ADAMTS6: variants seen among roughly 807,000 people sequenced by gnomAD.
ADAMTS6 encodes A disintegrin and metalloproteinase with thrombospondin motifs 6.
ADAMTS6 carries 23 observed loss-of-function variants against 144.3 expected under a neutral mutation model. That is an observed-to-expected ratio of 0.16 (90% CI 0.11 to 0.23). ADAMTS6 has a LOEUF of 0.23. Among genes scored for constraint, ADAMTS6 ranks in the 10% least tolerant of loss-of-function variants. ADAMTS6 has a pLI of 1.00. For missense variants in ADAMTS6, 999 were observed against 1,379.6 expected (o/e 0.72, Z 4.37); for synonymous variants, 444 against 457.5 (o/e 0.97, Z 0.38).
At chr5:65,468,335 T>C (rs1488621224) in intron 3 of ADAMTS6, among the ~76,000 whole-genome samples, 2 of 151,912 alleles carry the variant, frequency 1.3e-5, no homozygotes, top group African/African-American at 2.4e-5. Context: ...TGTTTACATA[T>C]TCCATTTGAT....
intron 9 of ADAMTS6, among the ~76,000 whole-genome samples, chr5:65,320,136 C>T (rs1244308193): frequency 6.6e-6 from 1 of 152,192 alleles, no homozygotes; most frequent in Admixed American, 6.5e-5. Flanking sequence ...AGCCATCGCG[C>T]CTGGCCACCA....
chr5:65,340,058 T>C (rs1204935538), intron 7 of ADAMTS6, among the ~76,000 whole-genome samples: 1 of 152,010 alleles, frequency 6.6e-6, no homozygotes, highest in Non-Finnish European at 1.5e-5. Context: ...TCCAAACAAG[T>C]CCTCTCCAAG....
chr5:65,265,347 C>T (rs1580232326), intron 12 of ADAMTS6, among the ~76,000 whole-genome samples: 1 of 151,970 alleles, frequency 6.6e-6, no homozygotes, highest in East Asian at 1.9e-4. Context: ...AGAAAATGTT[C>T]CACTTGAAAA....
intron 7 of ADAMTS6, among the ~76,000 whole-genome samples, chr5:65,411,782 T>C (rs1755075717): frequency 1.3e-5 from 2 of 152,304 alleles, no homozygotes; most frequent in Non-Finnish European, 2.9e-5. Flanking sequence ...CATTTAAATA[T>C]AGGTCTTTGA....
At chr5:65,172,185 C>A (rs1035542989) in intron 23 of ADAMTS6, among the ~76,000 whole-genome samples, 3 of 151,214 alleles carry the variant, frequency 2.0e-5, no homozygotes, top group African/African-American at 4.9e-5. Flanking sequence ...GAGGCCGAGG[C>A]GGGCGGATCA....
intron 7 of ADAMTS6, among the ~76,000 whole-genome samples, chr5:65,444,866 T>C (rs944464024): frequency 1.3e-5 from 2 of 152,204 alleles, no homozygotes; most frequent in African/African-American, 4.8e-5. Context: ...CTAATTACTG[T>C]GTGACCTTGC....
At chr5:65,255,443 T>C (rs565870029) in intron 14 of ADAMTS6, among the ~76,000 whole-genome samples, 5 of 152,232 alleles carry the variant, frequency 3.3e-5, no homozygotes. Context: ...GTCCATTGCA[T>C]CATTCTTATG....
chr5:65,242,867 G>A (rs2112498995), intron 14 of ADAMTS6, among the ~76,000 whole-genome samples: 1 of 152,212 alleles, frequency 6.6e-6, no homozygotes, highest in South Asian at 2.1e-4. Flanking sequence ...GAGGTGTGGA[G>A]AGGGATGTTA....
Position 65,273,466 on chromosome 5 carries a change from G to A in ADAMTS6, c.1513-19C>T. The A allele has an allele frequency of 6.3e-7, 1 of 1,593,424 alleles. No homozygotes were observed. Among genetic ancestry groups the A allele is most frequent in the Non-Finnish European group, 8.6e-7 (1 of 1,161,868 alleles). ...ACACTTCCTAGGAAAGAAGGCAAAA[G>A]CAAGTTGATCAGAAATAGAGTCATG... is the stretch of plus-strand genomic sequence containing the variant. On this transcript the variant is annotated intron_variant, in intron 11 of 24. Coordinates refer to ENST00000381055, the MANE Select transcript of ADAMTS6 (RefSeq NM_197941.4).
chr5:65,320,686 G>A (rs1005154110), intron 9 of ADAMTS6, among the ~76,000 whole-genome samples: 11 of 151,754 alleles, frequency 7.2e-5, no homozygotes, highest in East Asian at 1.9e-4. Flanking sequence ...CCTAGTACCC[G>A]TTAGTTGTCT....
At chr5:65,256,980 TCTC>T (rs1238245044) in intron 14 of ADAMTS6, among the ~76,000 whole-genome samples, 16 of 130,046 alleles carry the variant, frequency 1.2e-4, no homozygotes, top group African/African-American at 5.3e-4. Flanking sequence ...TCTCTCTCTC[TCTC>T]TCTTTTTTTT....
In ADAMTS6 at chr5:65,291,399, C is replaced by G; in HGVS notation, c.1442G>C (p.Gly481Ala). Residue 481 changes from glycine (G) to alanine (A), a missense_variant, in exon 11 of 25, where the codon GGT (glycine) becomes GCT (alanine). This residue lies in a region of ADAMTS6 where 619 missense variants were observed against 837.0 expected (regional missense o/e 0.74). Transcript: ENST00000381055. ...RDFLYPAVAPGQVYDADEQCR... is the reference protein window; with the variant it reads ...RDFLYPAVAPAQVYDADEQCR... The stretch of plus-strand genomic sequence containing the variant: ...TTGCTCATCAGCATCATACACCTGA[C>G]CTGGGGCCACAGCTGGATAAAGAAA... 6.2e-7 allele frequency: 1 copy of G among 1,613,994 alleles called. No individual in the cohort carries two copies. Among genetic ancestry groups the G allele is most frequent in the Non-Finnish European group, 8.5e-7 (1 of 1,179,938 alleles).
rs892231228 is a variant in ADAMTS6, at chr5:65,172,926, G to A, written c.2993C>T (p.Ala998Val). 1.3e-5 allele frequency: 21 copies of A among 1,614,214 alleles called. No individual in the cohort carries two copies. The highest frequency in any genetic ancestry group is 1.8e-5 in the Non-Finnish European group (21 of 1,180,048). The change falls in exon 23 of 25, where the codon GCA (alanine) becomes GTA (valine). Residue 998 changes from alanine (A) to valine (V), a missense_variant. Transcript: ENST00000381055. ...AGGTTTGCTTTCCTCTGGACATTGTGCAGCTGGGAATGTCTTAGAAAGGTC... is the reference window on the plus strand; with the variant it reads ...AGGTTTGCTTTCCTCTGGACATTGTACAGCTGGGAATGTCTTAGAAAGGTC... The part of the protein sequence containing the change: ...SSDLSKTFPA[A>V]QCPEESKPPV...
At chr5:65,442,270 T>C (rs930101027) in intron 7 of ADAMTS6, among the ~76,000 whole-genome samples, 26 of 152,102 alleles carry the variant, frequency 1.7e-4, no homozygotes, top group Non-Finnish European at 4.4e-5. Flanking sequence ...TAAGATATTA[T>C]AAACAATTAT....
rs897566541 is a variant in ADAMTS6 at position 65,170,879 on chromosome 5, T to C, written c.3088-106A>G. 3.9e-6 allele frequency: 5 copies of C among 1,282,184 alleles called. No individual in the cohort carries two copies. In the African/African-American group the frequency reaches 7.5e-5, roughly 19 times the overall value. 79.4% of individuals were successfully genotyped at this position (1,282,184 alleles called of 1,614,324 possible). A position where few individuals can be genotyped will look rare whatever the true frequency, so the allele number is the denominator to read the frequency against. On this transcript the variant is annotated intron_variant, in intron 23 of 24. Transcript: ENST00000381055. ...TACAACACAATATGAACTTTTTTTT[T>C]TTTCTTTTGAGACACAGCGTCTTGC...
chr5:65,388,390 A>G (rs1752647129), intron 7 of ADAMTS6, among the ~76,000 whole-genome samples: 1 of 152,080 alleles, frequency 6.6e-6, no homozygotes, highest in Non-Finnish European at 1.5e-5. Flanking sequence ...GGTACAGGGG[A>G]TGAAGTTATA....
At chr5:65,461,796 A>G (rs1411187748) in intron 3 of ADAMTS6, among the ~76,000 whole-genome samples, 2 of 152,188 alleles carry the variant, frequency 1.3e-5, no homozygotes, top group African/African-American at 4.8e-5. Flanking sequence ...TTTCCACATA[A>G]CATTTCATTT....
chr5:65,451,685 T>C (rs184819960), intron 6 of ADAMTS6, 65 bp from the exon 7 acceptor site: 52 of 1,573,452 alleles, frequency 3.3e-5, no homozygotes, highest in Non-Finnish European at 4.5e-5. Context: ...GTTAAAACTT[T>C]TGAAGACTGA....
intron 20 of ADAMTS6, among the ~76,000 whole-genome samples, chr5:65,205,606 A>G (rs986171995): frequency 9.2e-5 from 14 of 152,342 alleles, no homozygotes; most frequent in African/African-American, 3.1e-4. Flanking sequence ...TATAACATGA[A>G]CAAACAACAT....
Sources: allele counts gnomAD v4.1 joint callset (sites outside exome capture counted in the v4.1 genomes callset), GRCh38; gene constraint gnomAD v4.1.1; regional missense constraint gnomAD v4.1.1; transcripts MANE v1.5; gene names NCBI Gene and HGNC (gene_info 2026-07-23, HGNC 2026-07-21).